GPC5: variants seen among roughly 807,000 people sequenced by gnomAD.
The protein encoded by GPC5 is glypican-5.
GPC5 carries 47 observed loss-of-function variants against 53.9 expected under a neutral mutation model. That is an observed-to-expected ratio of 0.87 (90% CI 0.69 to 1.11). GPC5 has a LOEUF of 1.11. GPC5 is among the 50% of genes most tolerant of loss of function. GPC5 has a pLI of 0.00. For synonymous variants in GPC5, 286 were observed against 263.3 expected (o/e 1.09, Z -0.84); for missense variants, 748 against 713.1 (o/e 1.05, Z -0.56).
chr13:91,608,125 T>C (rs1166130847), intron 2 of GPC5, among the ~76,000 whole-genome samples: 1 of 152,202 alleles, frequency 6.6e-6, no homozygotes, highest in Non-Finnish European at 1.5e-5. Context: ...ACAATGTTTC[T>C]CAAGTGACTT....
At chr13:91,690,099 C>T (rs2035724748) in intron 2 of GPC5, among the ~76,000 whole-genome samples, 1 of 152,066 alleles carries the variant, frequency 6.6e-6, no homozygotes, top group African/African-American at 2.4e-5. Flanking sequence ...TTTTTCAGCT[C>T]CATTATAATC....
chr13:92,705,728 A>G (rs1366554564), intron 7 of GPC5, among the ~76,000 whole-genome samples: 1 of 152,050 alleles, frequency 6.6e-6, no homozygotes, highest in Non-Finnish European at 1.5e-5. Flanking sequence ...GTATAAAGTT[A>G]TTTTTTAAAC....
At chr13:91,795,945 T>G (rs2038039045) in intron 5 of GPC5, among the ~76,000 whole-genome samples, 1 of 152,158 alleles carries the variant, frequency 6.6e-6, no homozygotes, top group Non-Finnish European at 1.5e-5. Context: ...AGTAATAAAG[T>G]ATGAGAGGGA....
chr13:92,221,818 A>G (rs951449201), intron 7 of GPC5, among the ~76,000 whole-genome samples: 12 of 152,130 alleles, frequency 7.9e-5, no homozygotes, highest in Non-Finnish European at 7.3e-5. Flanking sequence ...GTACGACTCA[A>G]GAACAATTAC....
chr13:92,238,837 A>C (rs1048806541), intron 7 of GPC5, among the ~76,000 whole-genome samples: 1 of 151,852 alleles, frequency 6.6e-6, no homozygotes, highest in East Asian at 1.9e-4. Flanking sequence ...GCCTAATCCA[A>C]GGTCATCAAG....
At chr13:92,527,172 G>GAAAGAA (rs1472056609) in intron 7 of GPC5, among the ~76,000 whole-genome samples, 2 of 60,870 alleles carry the variant, frequency 3.3e-5, no homozygotes, top group Non-Finnish European at 7.1e-5. Flanking sequence ...AAGAAAGAAA[G>GAAAGAA]AGAAAGAAAG....
intron 2 of GPC5, among the ~76,000 whole-genome samples, chr13:91,589,874 T>G (rs1275299468): frequency 1.3e-5 from 2 of 152,158 alleles, no homozygotes; most frequent in Non-Finnish European, 2.9e-5. Context: ...ATCTCTTCCT[T>G]GCTAAATTTT....
intron 6 of GPC5, among the ~76,000 whole-genome samples, chr13:91,944,906 CT>C (rs2039960910): frequency 6.6e-6 from 1 of 152,100 alleles, no homozygotes; most frequent in Non-Finnish European, 1.5e-5. Flanking sequence ...CTGGTGTTAA[CT>C]TTTGCTATGG....
chr13:91,880,751 G>A (rs975269890), intron 5 of GPC5, among the ~76,000 whole-genome samples: 3 of 152,124 alleles, frequency 2.0e-5, no homozygotes, highest in African/African-American at 7.2e-5. Context: ...ATAGTCAAAA[G>A]AGATATAATT....
At chr13:92,021,202 A>G (rs1359090431) in intron 6 of GPC5, among the ~76,000 whole-genome samples, 6 of 152,206 alleles carry the variant, frequency 3.9e-5, no homozygotes, top group African/African-American at 1.4e-4. Flanking sequence ...AGCATTGTTC[A>G]TAATAGCTAT....
At chr13:91,770,345 A>T (rs1338262659) in intron 5 of GPC5, among the ~76,000 whole-genome samples, 1 of 152,168 alleles carries the variant, frequency 6.6e-6, no homozygotes, top group African/African-American at 2.4e-5. Context: ...TCAATCATTG[A>T]GTATTAATCC....
At chr13:91,638,489 C>G (rs2034339500) in intron 2 of GPC5, among the ~76,000 whole-genome samples, 1 of 152,046 alleles carries the variant, frequency 6.6e-6, no homozygotes, top group African/African-American at 2.4e-5. Context: ...CCCCAGCGTC[C>G]CAAGTAGCTG....
At chr13:91,513,760 A>G (rs533958889) in intron 2 of GPC5, among the ~76,000 whole-genome samples, 5 of 152,040 alleles carry the variant, frequency 3.3e-5, no homozygotes, top group Non-Finnish European at 7.4e-5. Context: ...AAATAATAAT[A>G]ATAGAGAACA....
chr13:92,810,280 C>T (rs1008337069), intron 7 of GPC5, among the ~76,000 whole-genome samples: 1 of 151,526 alleles, frequency 6.6e-6, no homozygotes, highest in African/African-American at 2.4e-5. Flanking sequence ...GAATTAGTCC[C>T]GTATACATCT....
intron 7 of GPC5, among the ~76,000 whole-genome samples, chr13:92,644,422 A>G (rs947757539): frequency 2.6e-5 from 4 of 152,210 alleles, no homozygotes; most frequent in Admixed American, 2.6e-4. Flanking sequence ...CCTATTTTGT[A>G]CGTGTCACAA....
At chr13:92,170,162 T>A (rs2042059166) in intron 7 of GPC5, among the ~76,000 whole-genome samples, 1 of 151,478 alleles carries the variant, frequency 6.6e-6, no homozygotes, top group Non-Finnish European at 1.5e-5. Flanking sequence ...TGGAGAACTT[T>A]AAAAAAAACC....
chr13:92,211,936 C>G (rs2042378279), intron 7 of GPC5, among the ~76,000 whole-genome samples: 1 of 152,140 alleles, frequency 6.6e-6, no homozygotes, highest in Non-Finnish European at 1.5e-5. Flanking sequence ...TTGCAAAAGT[C>G]AAAATGTTTG....
chr13:91,467,684 T>C (rs752259252), intron 2 of GPC5, among the ~76,000 whole-genome samples: 3 of 152,190 alleles, frequency 2.0e-5, no homozygotes, highest in Non-Finnish European at 4.4e-5. Context: ...ATTAAAACCA[T>C]TTTTAAAAAA....
chr13:91,975,579 T>C (rs1175212211), intron 6 of GPC5, among the ~76,000 whole-genome samples: 2 of 152,296 alleles, frequency 1.3e-5, no homozygotes, highest in Middle Eastern at 3.4e-3. Flanking sequence ...AGATACCATC[T>C]CACACCAGTT....
Sources: gnomAD v4.1 joint callset for allele counts (sites outside exome capture counted in the v4.1 genomes callset) on GRCh38, gnomAD v4.1.1 for gene constraint, MANE v1.5 for transcripts, NCBI Gene and HGNC (gene_info 2026-07-23, HGNC 2026-07-21) for gene names.